The following COPS4 variants were observed in gnomAD, a reference collection of about 807,000 sequenced individuals.
COPS4 encodes the protein COP9 signalosome subunit 4.
Under a neutral mutation model 55.1 loss-of-function variants are expected in COPS4, and 8 were observed. That is an observed-to-expected ratio of 0.15 (90% CI 0.09 to 0.26). The LOEUF (loss-of-function observed/expected upper bound fraction) is 0.26. COPS4 is among the 10% of genes least tolerant of loss of function. COPS4 has a pLI of 1.00. For synonymous variants in COPS4, 185 were observed against 165.7 expected (o/e 1.12, Z -0.90); for missense variants, 248 against 484.0 (o/e 0.51, Z 4.58).
chr4:83,073,361 G>A (rs1731486002), intron 9 of COPS4: 3 of 624,566 alleles, frequency 4.8e-6, no homozygotes, highest in South Asian at 3.6e-5. Flanking sequence ...CAGGTAATCA[G>A]TGCTTCATTC....
intron 1 of COPS4, among the ~76,000 whole-genome samples, chr4:83,039,806 A>G (rs1202269193): frequency 6.6e-6 from 1 of 152,112 alleles, no homozygotes. Flanking sequence ...TAATTTAAAA[A>G]CATTTTTTTT....
rs371063852 is a variant in COPS4, at chr4:83,065,640, A to G, written c.887-798A>G. Among the ~76,000 whole-genome samples, 6 of 152,252 alleles carry G rather than the reference A, an allele frequency of 3.9e-5. No individual in the cohort carries two copies. The East Asian group carries it at 7.7e-4, about 20-fold the overall frequency. The stretch of plus-strand genomic sequence containing the variant: ...CAAAGTAGGACCCTGGGTCCAGAAC[A>G]TTATGAGATACTGTATGACCTCACT... On this transcript the variant is annotated intron_variant, in intron 7 of 9. Coordinates refer to ENST00000264389, the MANE Select transcript of COPS4 (RefSeq NM_016129.3).
At chr4:83,063,606 AC>A (rs1731228408) in intron 7 of COPS4, among the ~76,000 whole-genome samples, 2 of 149,854 alleles carry the variant, frequency 1.3e-5, no homozygotes. Flanking sequence ...ATGGGGTTTC[AC>A]CGTGTTAGCC....
chr4:83,072,754 A>G (rs573001967), intron 9 of COPS4, among the ~76,000 whole-genome samples: 5 of 152,316 alleles, frequency 3.3e-5, no homozygotes, highest in African/African-American at 1.2e-4. Flanking sequence ...GGTTCCACAT[A>G]TATGTTTGCA....
At chr4:83,062,553 A>G (rs187760890) in intron 6 of COPS4, among the ~76,000 whole-genome samples, 2 of 103,038 alleles carry the variant, frequency 1.9e-5, no homozygotes, top group African/African-American at 7.6e-5. Context: ...TTTATACTGT[A>G]CACAAATGTC....
intron 9 of COPS4, among the ~76,000 whole-genome samples, chr4:83,074,359 A>AATTT: frequency 6.6e-6 from 1 of 152,172 alleles, no homozygotes; most frequent in African/African-American, 2.4e-5. Context: ...TTGTGCCAGT[A>AATTT]ATTTGGGTAC....
At chr4:83,043,890 C>G (rs563436587) in intron 1 of COPS4, among the ~76,000 whole-genome samples, 20 of 151,990 alleles carry the variant, frequency 1.3e-4, no homozygotes, top group Non-Finnish European at 2.6e-4. Context: ...CTTTTCTATC[C>G]GTATATCTGC....
In COPS4 at chr4:83,040,300, A is replaced by G. The variant is rs187509851; in HGVS notation, c.74+5002A>G. ...ATAATTGTATCATGCTCTTTCTGAT[A>G]ACTCCAGTCAGTATTTGACGTTTTG... On this transcript the variant is annotated intron_variant, in intron 1 of 9. Transcript: ENST00000264389. Among the ~76,000 whole-genome samples, 11 of 152,282 alleles carry G rather than the reference A, an allele frequency of 7.2e-5. No homozygotes were observed. The East Asian group carries it at 2.1e-3, about 29-fold the overall frequency.
chr4:83,045,948 G>A (rs1428819048), intron 2 of COPS4, among the ~76,000 whole-genome samples: 2 of 152,148 alleles, frequency 1.3e-5, no homozygotes, highest in Non-Finnish European at 2.9e-5. Flanking sequence ...TAGCATAATA[G>A]TAAAGAGAAT....
Position 83,075,412 on chromosome 4 carries a change from A to G in COPS4, c.1203A>G (p.Glu401=), listed in dbSNP as rs149619780. 3 of 1,614,002 alleles carry G rather than the reference A, an allele frequency of 1.9e-6. No individual in the cohort carries two copies. Among genetic ancestry groups the G allele is most frequent in the Admixed American group, 3.3e-5 (2 of 59,992 alleles). ...TAPEWTAQAM[E]AQMAQ ...CAGAATGGACAGCACAAGCCATGGA[A>G]GCCCAGATGGCTCAGTGAATCCTTG... The change falls in exon 10 of 10, where the codon GAA becomes GAG. Residue 401 remains glutamate (E), a synonymous_variant. Coordinates refer to ENST00000264389, the MANE Select transcript of COPS4 (RefSeq NM_016129.3).
Position 83,049,867 on chromosome 4 carries a change from A to G in COPS4, c.307-14A>G. On this transcript the variant is annotated splice_polypyrimidine_tract_variant and intron_variant, in intron 3 of 9. Transcript: ENST00000264389. ...TCAGTTGAAATAATTTGACATGTAT[A>G]CCTATTATTCCAGGTTGCTTCCATA... 1 of 1,425,234 alleles carries G rather than the reference A, an allele frequency of 7.0e-7. No individual in the cohort carries two copies. The highest frequency in any genetic ancestry group is 1.8e-4 in the Middle Eastern group (1 of 5,598). The allele number at this position is 1,425,234 out of a possible 1,614,324, so 88.3% of individuals were successfully genotyped here.
chr4:83,059,118 AT>A (rs1274476642), intron 6 of COPS4, among the ~76,000 whole-genome samples: 1 of 151,096 alleles, frequency 6.6e-6, no homozygotes. Context: ...TTGACTGGCC[AT>A]TTTTTGAGTT....
chr4:83,067,069 AT>A (rs978815223), intron 8 of COPS4, among the ~76,000 whole-genome samples: 1 of 150,348 alleles, frequency 6.7e-6, no homozygotes. Context: ...TATTTATTTT[AT>A]TTTTTTTTGT....
chr4:83,048,482 G>A (rs1730775668), intron 2 of COPS4, among the ~76,000 whole-genome samples: 1 of 152,048 alleles, frequency 6.6e-6, no homozygotes, highest in African/African-American at 2.4e-5. Flanking sequence ...TTGGAACAAG[G>A]TAGGATATAA....
intron 9 of COPS4, among the ~76,000 whole-genome samples, chr4:83,071,528 C>T (rs998647575): frequency 6.6e-5 from 10 of 152,128 alleles, no homozygotes; most frequent in African/African-American, 2.2e-4. Context: ...AAGCTGTCCT[C>T]CTGCTTCAGC....
chr4:83,073,826 G>A (rs1178610841), intron 9 of COPS4, among the ~76,000 whole-genome samples: 1 of 152,048 alleles, frequency 6.6e-6, no homozygotes, highest in Admixed American at 6.6e-5. Flanking sequence ...GCGTAGTGGT[G>A]CATGCCTGTA....
intron 7 of COPS4, among the ~76,000 whole-genome samples, chr4:83,063,850 C>T (rs1731234191): frequency 6.6e-6 from 1 of 152,028 alleles, no homozygotes; most frequent in Admixed American, 6.6e-5. Context: ...GCTGGGATTA[C>T]ATGCATGCGC....
intron 4 of COPS4, 54 bp downstream of exon 4, chr4:83,050,038 C>A: frequency 9.5e-7 from 1 of 1,057,452 alleles, no homozygotes; most frequent in South Asian, 1.5e-5. Flanking sequence ...TATAATTGCT[C>A]ACTTATATTT....
At chr4:83,068,969 CAAAAA>C (rs5859859) in intron 9 of COPS4, among the ~76,000 whole-genome samples, 1 of 129,372 alleles carries the variant, frequency 7.7e-6, no homozygotes, top group African/African-American at 2.9e-5. Flanking sequence ...GACTCTGTCT[CAAAAA>C]AAAAAAAAAA....
Sources: allele counts gnomAD v4.1 joint callset (sites outside exome capture counted in the v4.1 genomes callset), GRCh38; gene constraint gnomAD v4.1.1; transcripts MANE v1.5; gene names NCBI Gene and HGNC (gene_info 2026-07-23, HGNC 2026-07-21).